The following EIF2B3 variants were observed in gnomAD, a reference collection of about 807,000 sequenced individuals.
EIF2B3 encodes eukaryotic translation initiation factor 2B subunit gamma.
Under a neutral mutation model 54.1 loss-of-function variants are expected in EIF2B3, and 20 were observed. The observed-to-expected ratio is 0.37, with a 90% confidence interval of 0.26 to 0.54. The LOEUF (loss-of-function observed/expected upper bound fraction) is 0.54, where lower values mean the gene tolerates loss of function less well. Among genes scored for constraint, EIF2B3 ranks in the 20% least tolerant of loss-of-function variants. The probability of loss-of-function intolerance (pLI) is 0.86; values close to 1 mark genes in which losing one functional copy is unlikely to be tolerated. For synonymous variants in EIF2B3, 153 were observed against 188.1 expected (o/e 0.81, Z 1.52); for missense variants, 448 against 547.8 (o/e 0.82, Z 1.82).
At chr1:44,985,597 C>G (rs531813830) in intron 1 of EIF2B3, among the ~76,000 whole-genome samples, 1 of 152,282 alleles carries the variant, frequency 6.6e-6, no homozygotes, top group South Asian at 2.1e-4. Flanking sequence ...GAGTCAAACT[C>G]AAACATGTGC....
chr1:44,865,958 G>A (rs1654766293), intron 10 of EIF2B3, among the ~76,000 whole-genome samples: 1 of 152,024 alleles, frequency 6.6e-6, no homozygotes, highest in Admixed American at 6.6e-5. Flanking sequence ...GAAGCAGAGA[G>A]GGATCTCTTA....
intron 4 of EIF2B3, among the ~76,000 whole-genome samples, chr1:44,938,895 T>C (rs188223877): frequency 6.6e-6 from 1 of 151,300 alleles, no homozygotes; most frequent in Non-Finnish European, 1.5e-5. Flanking sequence ...AGCTCAAGAG[T>C]TCGAGGCCAG....
At chr1:44,941,707 A>G (rs1644024781) in intron 3 of EIF2B3, 42 bp from the exon 4 acceptor site, 4 of 1,611,198 alleles carry the variant, frequency 2.5e-6, no homozygotes, top group African/African-American at 1.3e-5. Context: ...ATAAAGGACA[A>G]TGGATTACAC....
At chr1:44,887,536 T>TACTAAAGATAACTACTAAAGATA (rs1655633334) in intron 6 of EIF2B3, among the ~76,000 whole-genome samples, 1 of 152,238 alleles carries the variant, frequency 6.6e-6, no homozygotes, top group Non-Finnish European at 1.5e-5. Context: ...AAAGATAACT[T>TACTAAAGATAACTACTAAAGATA]ACAGTAGAAC....
chr1:44,862,297 T>C (rs867814978), intron 10 of EIF2B3, among the ~76,000 whole-genome samples: 1 of 152,192 alleles, frequency 6.6e-6, no homozygotes, highest in African/African-American at 2.4e-5. Flanking sequence ...TTGGTCCTCA[T>C]TTCTCCTTGG....
intron 1 of EIF2B3, among the ~76,000 whole-genome samples, chr1:44,984,667 G>C (rs1280132927): frequency 6.6e-6 from 1 of 152,048 alleles, no homozygotes; most frequent in Non-Finnish European, 1.5e-5. Flanking sequence ...GTGAACTAGG[G>C]CAAACTACGT....
chr1:44,913,109 TAAAAAAAAAAAAA>T (rs552977811), intron 5 of EIF2B3, among the ~76,000 whole-genome samples: 3 of 103,266 alleles, frequency 2.9e-5, no homozygotes, highest in Non-Finnish European at 3.8e-5. Context: ...CGGTTTTTGT[TAAAAAAAAAAAAA>T]AAAAAAAAAA....
At chr1:44,866,275 G>A (rs1232802183) in intron 10 of EIF2B3, among the ~76,000 whole-genome samples, 8 of 151,974 alleles carry the variant, frequency 5.3e-5, no homozygotes, top group Admixed American at 2.0e-4. Context: ...GCACGTGCCC[G>A]TAGTCCCAGC....
intron 4 of EIF2B3, among the ~76,000 whole-genome samples, chr1:44,932,099 G>A (rs1296182706): frequency 1.3e-5 from 2 of 151,926 alleles, no homozygotes; most frequent in African/African-American, 4.8e-5. Flanking sequence ...ACAACAGAGA[G>A]AGACTGTCTC....
At chr1:44,905,173 T>C (rs1367614193) in intron 5 of EIF2B3, among the ~76,000 whole-genome samples, 1 of 152,180 alleles carries the variant, frequency 6.6e-6, no homozygotes, top group East Asian at 1.9e-4. Flanking sequence ...GTTATCAAAC[T>C]AGAGGTCTGC....
chr1:44,965,715 C>T (rs1387613377), intron 3 of EIF2B3, among the ~76,000 whole-genome samples: 1 of 147,136 alleles, frequency 6.8e-6, no homozygotes, highest in Non-Finnish European at 1.5e-5. Context: ...TCTCAGCTCA[C>T]TGCAACCTCT....
At chr1:44,956,364 G>A (rs971019592) in intron 3 of EIF2B3, among the ~76,000 whole-genome samples, 2 of 150,514 alleles carry the variant, frequency 1.3e-5, no homozygotes, top group African/African-American at 5.0e-5. Context: ...GGGCCTGTCG[G>A]GGGGTGGGGG....
rs1346832202 is a variant in EIF2B3 at position 44,874,663 on chromosome 1, CA to C, written c.1202+14del. 1.2e-6 allele frequency: 2 copies of C among 1,613,866 alleles called. No individual in the cohort carries two copies. Among genetic ancestry groups the C allele is most frequent in the African/African-American group, 2.7e-5 (2 of 75,018 alleles). ...CCATTATCTTTGCCTCAAGTGGGTA[CA>C]GGGGGAAACATACCCTTCCTCCACA... On this transcript the variant is annotated intron_variant, in intron 10 of 11. Coordinates refer to ENST00000360403, the MANE Select transcript of EIF2B3 (RefSeq NM_020365.5).
At chr1:44,920,905 TA>T (rs1643726327) in intron 5 of EIF2B3, among the ~76,000 whole-genome samples, 1 of 152,196 alleles carries the variant, frequency 6.6e-6, no homozygotes, top group Non-Finnish European at 1.5e-5. Context: ...GGTATATACC[TA>T]GGAGTGGGAT....
chr1:44,942,835 A>G (rs984225808), intron 3 of EIF2B3, among the ~76,000 whole-genome samples: 1 of 151,692 alleles, frequency 6.6e-6, no homozygotes, highest in Non-Finnish European at 1.5e-5. Context: ...TGCAAACATT[A>G]TTTATTTTAT....
intron 10 of EIF2B3, among the ~76,000 whole-genome samples, chr1:44,865,674 C>T (rs1485165248): frequency 8.6e-5 from 13 of 151,932 alleles, no homozygotes; most frequent in South Asian, 2.1e-4. Flanking sequence ...CTCCACCTTC[C>T]GGGGTTCAAG....
At chr1:44,972,086 T>C (rs1202841845) in intron 3 of EIF2B3, among the ~76,000 whole-genome samples, 2 of 151,016 alleles carry the variant, frequency 1.3e-5, no homozygotes, top group African/African-American at 4.9e-5. Flanking sequence ...CTGGGAAGGA[T>C]GTGGAGAAAC....
At chr1:44,917,639 A>G (rs1643649865) in intron 5 of EIF2B3, among the ~76,000 whole-genome samples, 1 of 151,882 alleles carries the variant, frequency 6.6e-6, no homozygotes, top group Non-Finnish European at 1.5e-5. Flanking sequence ...AAGGCTTTTA[A>G]TGAAAAAAAC....
chr1:44,868,954 A>T (rs1317213076), intron 10 of EIF2B3, among the ~76,000 whole-genome samples: 1 of 152,168 alleles, frequency 6.6e-6, no homozygotes, highest in African/African-American at 2.4e-5. Flanking sequence ...ATCTCACACT[A>T]GCATTCCAGA....
Sources: gnomAD v4.1 joint callset for allele counts (sites outside exome capture counted in the v4.1 genomes callset) on GRCh38, gnomAD v4.1.1 for gene constraint, MANE v1.5 for transcripts, NCBI Gene and HGNC (gene_info 2026-07-23, HGNC 2026-07-21) for gene names.